Variants in TMPRSS5 observed in about 807,000 individuals in gnomAD.
TMPRSS5 encodes the protein transmembrane serine protease 5, also known as transmembrane protease serine 5.
TMPRSS5 carries 45 observed loss-of-function variants against 59.7 expected under a neutral mutation model. The ratio of observed to expected loss-of-function variants is 0.75; its 90% CI spans 0.59 to 0.97. TMPRSS5 has a LOEUF of 0.97. Ranked by LOEUF, TMPRSS5 falls within the 50% of genes least tolerant of loss-of-function variation. The pLI, the probability that TMPRSS5 is intolerant of heterozygous loss-of-function variation, is 0.00. For missense variants in TMPRSS5, 585 were observed against 596.7 expected (o/e 0.98, Z 0.20); for synonymous variants, 225 against 232.0 (o/e 0.97, Z 0.27).
chr11:113,690,726 A>G, intron 10 of TMPRSS5, 115 bp downstream of exon 10: 1 of 1,004,374 alleles, frequency 1.0e-6, no homozygotes, highest in Non-Finnish European at 1.5e-6. Flanking sequence ...GGGTGATGCC[A>G]GGGAAAAACA....
At position 113,699,207 on chromosome 11, in the gene TMPRSS5, GTCTGTCTCTCTCTCTCTC is replaced by G. The variant is rs1953022716; in HGVS notation, c.206-198_206-181del. Reference sequence around the variant, plus strand: ...CTGCCTCTTTGACTCTCCTTTGTCTGTCTGTCTCTCTCTCTCTCTCTCTCTCTCTCTCTCTCTCTCTCT... The same window carrying G: ...CTGCCTCTTTGACTCTCCTTTGTCTGTCTCTCTCTCTCTCTCTCTCTCTCT... On this transcript the variant is annotated intron_variant, in intron 3 of 12. Transcript: ENST00000299882. Among the ~76,000 whole-genome samples the G allele has an allele frequency of 2.7e-3, 125 of 46,360 alleles. 21 individuals carry two copies. The highest frequency in any genetic ancestry group is 4.1e-3 in the African/African-American group (33 of 8,034). The allele number at this position is 46,360 out of a possible 152,430, so 30.4% of individuals were successfully genotyped here.
In TMPRSS5 at chr11:113,697,382, T is replaced by G; in HGVS notation, c.365A>C (p.Glu122Ala). The G allele has an allele frequency of 3.7e-6, 6 of 1,613,824 alleles. No individual in the cohort carries two copies. Among genetic ancestry groups the G allele is most frequent in the Non-Finnish European group, 5.1e-6 (6 of 1,179,724 alleles). Residue 122 changes from glutamate to alanine, a missense_variant, in exon 5 of 13, where the codon GAA (glutamate) becomes GCA (alanine). Transcript: ENST00000299882. ...FRINSEDFLL[E>A]AQVRDQPRWL... is the part of the protein sequence containing the mutation. ...GCGTGGCTGATCCCTCACTTGCGCT[T>G]CCAGCAAGAAGTCTTCGCTGTTTAT... is the stretch of plus-strand genomic sequence containing the variant.
rs940816039 is a variant in TMPRSS5 at position 113,693,111 on chromosome 11, G to A, written c.924C>T (p.Asp308=). 11 of 1,588,254 alleles carry A rather than the reference G, an allele frequency of 6.9e-6. No individual in the cohort carries two copies. Among genetic ancestry groups the A allele is most frequent in the East Asian group, 2.3e-5 (1 of 43,682 alleles). ...CGGTCTGGAGCCTCAGGAGGGCGAC[G>A]TCGTAGTCATGATTCTGGGCACTGT... The part of the protein sequence containing the change: ...PLYSAQNHDY[D]VALLRLQTAL... The change falls in exon 9 of 13, where the codon GAC becomes GAT. Residue 308 remains aspartate (D), a synonymous_variant. Coordinates refer to ENST00000299882, the MANE Select transcript of TMPRSS5 (RefSeq NM_030770.4).
chr11:113,691,020 G>T, intron 9 of TMPRSS5, 81 bp from the exon 10 acceptor site: 1 of 1,302,608 alleles, frequency 7.7e-7, no homozygotes, highest in Non-Finnish European at 1.1e-6. Flanking sequence ...ACCCAGGACT[G>T]GCAAGTCCTC....
At chr11:113,689,602 A>G (rs990071678) in intron 12 of TMPRSS5, among the ~76,000 whole-genome samples, 163 bp downstream of exon 12, 12 of 152,148 alleles carry the variant, frequency 7.9e-5, no homozygotes, top group African/African-American at 2.9e-4. Flanking sequence ...AATCCAATGG[A>G]TTCCATGTTT....
At chr11:113,699,293 GTCTCTCTCTCTCTCTA>G (rs1953051020) in intron 3 of TMPRSS5, among the ~76,000 whole-genome samples, 1 of 41,564 alleles carries the variant, frequency 2.4e-5, no homozygotes, top group Non-Finnish European at 4.4e-5. Flanking sequence ...CTCTCTCTCT[GTCTCTCTCTCTCTCTA>G]GCTGTCTCTC....
chr11:113,695,541 T>C (rs1199562881), intron 6 of TMPRSS5, 98 bp from the exon 7 acceptor site: 1 of 1,230,732 alleles, frequency 8.1e-7, no homozygotes, highest in East Asian at 2.4e-5. Context: ...GTGGGGGTGG[T>C]GGACAGTTCT....
At chr11:113,688,342 G>T in intron 12 of TMPRSS5, 68 bp from the exon 13 acceptor site, 1 of 1,109,866 alleles carries the variant, frequency 9.0e-7, no homozygotes, top group South Asian at 1.4e-5. Context: ...TTTTATTTTA[G>T]TAAATCACTT....
intron 6 of TMPRSS5, among the ~76,000 whole-genome samples, chr11:113,695,957 T>A (rs559928524): frequency 1.3e-5 from 2 of 152,290 alleles, no homozygotes; most frequent in South Asian, 4.1e-4. Context: ...GTTCCTTTTT[T>A]GACCAAAACT....
chr11:113,696,515 A>G (rs763132767), intron 6 of TMPRSS5, among the ~76,000 whole-genome samples: 1 of 152,226 alleles, frequency 6.6e-6, no homozygotes. Context: ...TCAAGGCTTG[A>G]CTTAGCTGCT....
chr11:113,694,713 C>T (rs1264381507), intron 7 of TMPRSS5, 73 bp from the exon 8 acceptor site: 5 of 1,416,948 alleles, frequency 3.5e-6, no homozygotes, highest in Non-Finnish European at 4.7e-6. Context: ...TCTCAGGAAG[C>T]GTGGCCCAGT....
rs373808629 is a variant in TMPRSS5 at position 113,693,661 on chromosome 11, C to T, written c.786-412G>A. 39 of 163,474 alleles carry T rather than the reference C, an allele frequency of 2.4e-4. 1 individual carries two copies. The East Asian group carries it at 6.3e-3, about 26-fold the overall frequency. The allele number at this position is 163,474 out of a possible 1,614,324, so 10.1% of individuals were successfully genotyped here. A position where few individuals can be genotyped will look rare whatever the true frequency, so the allele number is the denominator to read the frequency against. On this transcript the variant is annotated intron_variant, in intron 8 of 12. Coordinates refer to ENST00000299882, the MANE Select transcript of TMPRSS5 (RefSeq NM_030770.4). ...CTCAGCCTCGGTAAAATGGGGATTA[C>T]ACTCTCTGCCCTGTCCGGCACCAAG...
rs1427681094 is a variant in TMPRSS5, at chr11:113,689,900, G to A, written c.1224C>T (p.Pro408=). The change falls in exon 12 of 13, where the codon CCC becomes CCT. Residue 408 remains proline, a synonymous_variant. Transcript: ENST00000299882. The part of the protein sequence containing the change: ...ADACQGDSGG[P]LVCPDGDTWR... Reference sequence around the variant, plus strand: ...ATGTGTCCCCATCTGGGCACACTAGGGGGCCCCCGCTATCTCCCTAAGGGA... The same window carrying A: ...ATGTGTCCCCATCTGGGCACACTAGAGGGCCCCCGCTATCTCCCTAAGGGA... 1 of 1,563,942 alleles carries A rather than the reference G, an allele frequency of 6.4e-7. No individual in the cohort carries two copies. The highest frequency in any genetic ancestry group is 2.4e-5 in the East Asian group (1 of 41,924).
intron 1 of TMPRSS5, among the ~76,000 whole-genome samples, chr11:113,702,924 T>A (rs1425874814): frequency 1.3e-5 from 2 of 152,236 alleles, no homozygotes; most frequent in African/African-American, 4.8e-5. Context: ...CCCTTGCAGA[T>A]GTTTGCTACA....
chr11:113,700,272 C>T (rs961785639), intron 1 of TMPRSS5, 104 bp from the exon 2 acceptor site: 1 of 1,032,556 alleles, frequency 9.7e-7, no homozygotes, highest in Non-Finnish European at 1.4e-6. Context: ...GCCATGATTC[C>T]ATTGCCACTT....
chr11:113,696,625 A>G lies in TMPRSS5; in HGVS notation c.578+233T>C, dbSNP rs45445396. 2.6e-3 allele frequency among the ~76,000 whole-genome samples: 392 copies of G among 152,344 alleles called. 1 individual carries two copies. Among genetic ancestry groups the G allele is most frequent in the Non-Finnish European group, 3.2e-3 (220 of 68,036 alleles). On this transcript the variant is annotated intron_variant, in intron 6 of 12. Coordinates refer to ENST00000299882, the MANE Select transcript of TMPRSS5 (RefSeq NM_030770.4). ...GAGTACCATGTCAAATCTTGTGACAATAATAACCAACCCTACATTTCTTGT... is the reference window on the plus strand; with the variant it reads ...GAGTACCATGTCAAATCTTGTGACAGTAATAACCAACCCTACATTTCTTGT...
intron 8 of TMPRSS5, among the ~76,000 whole-genome samples, chr11:113,694,008 C>G (rs1366731338): frequency 6.6e-6 from 1 of 152,224 alleles, no homozygotes; most frequent in Non-Finnish European, 1.5e-5. Context: ...TGGCTCACGC[C>G]TGTTATCCCA....
At position 113,690,943 on chromosome 11, in the gene TMPRSS5, T is replaced by C. The variant is rs1348931455; in HGVS notation, c.965-4A>G. ...AGGCACACAGCGCCCACAGTGTCTG[T>C]AGAGAGGCACATGGTCCTGGTCCCC... On this transcript the variant is annotated splice_region_variant and splice_polypyrimidine_tract_variant and intron_variant, in intron 9 of 12. Coordinates refer to ENST00000299882, the MANE Select transcript of TMPRSS5 (RefSeq NM_030770.4). The C allele has an allele frequency of 2.5e-6, 4 of 1,578,902 alleles. No individual in the cohort carries two copies. Among genetic ancestry groups the C allele is most frequent in the South Asian group, 1.2e-5 (1 of 85,876 alleles).
intron 8 of TMPRSS5, 32 bp downstream of exon 8, chr11:113,694,446 G>A: frequency 6.5e-7 from 1 of 1,548,990 alleles, no homozygotes; most frequent in Non-Finnish European, 8.7e-7. Flanking sequence ...GGCAACTGAG[G>A]CTCTCTGTCC....
Sources: allele counts gnomAD v4.1 joint callset (sites outside exome capture counted in the v4.1 genomes callset), GRCh38; gene constraint gnomAD v4.1.1; transcripts MANE v1.5; gene names NCBI Gene and HGNC (gene_info 2026-07-23, HGNC 2026-07-21).